NUP93: variants seen among roughly 807,000 people sequenced by gnomAD.
NUP93 encodes the protein nucleoporin 93.
In NUP93, 55 loss-of-function variants were observed where a neutral mutation model predicts 107.8. The ratio of observed to expected loss-of-function variants is 0.51; its 90% CI spans 0.41 to 0.64. The LOEUF is 0.64. Ranked by LOEUF, NUP93 falls within the 30% of genes least tolerant of loss-of-function variation. NUP93 has a pLI of 0.00. For missense variants in NUP93, 937 were observed against 1,044.7 expected (o/e 0.90, Z 1.42); for synonymous variants, 390 against 397.5 (o/e 0.98, Z 0.22).
intron 4 of NUP93, among the ~76,000 whole-genome samples, chr16:56,804,658 C>T (rs1213791063): frequency 3.3e-5 from 5 of 152,118 alleles, no homozygotes; most frequent in South Asian, 4.2e-4. Flanking sequence ...CCTGTAATCC[C>T]AGCACTTTGG....
At chr16:56,834,819 T>TG in intron 16 of NUP93, 41 bp downstream of exon 16, 1 of 1,467,262 alleles carries the variant, frequency 6.8e-7, no homozygotes, top group South Asian at 1.2e-5. Context: ...CGTTAGCCAT[T>TG]GGGGATTTAT....
At chr16:56,841,904 A>C (rs1419124367) in intron 21 of NUP93, 71 bp downstream of exon 21, 3 of 1,569,026 alleles carry the variant, frequency 1.9e-6, no homozygotes, top group Non-Finnish European at 2.6e-6. Flanking sequence ...TTGCGCTCTT[A>C]TGAGACCACA....
intron 3 of NUP93, among the ~76,000 whole-genome samples, chr16:56,786,163 G>A (rs1962623259): frequency 6.6e-6 from 1 of 152,102 alleles, no homozygotes; most frequent in Non-Finnish European, 1.5e-5. Flanking sequence ...GTGGTTCAAG[G>A]TATGGATTAT....
chr16:56,731,425 A>C (rs1172328593), intron 1 of NUP93, among the ~76,000 whole-genome samples: 1 of 148,210 alleles, frequency 6.7e-6, no homozygotes, highest in Non-Finnish European at 1.5e-5. Context: ...CTTTTGAGAC[A>C]GTCTCCCTCG....
intron 1 of NUP93, among the ~76,000 whole-genome samples, chr16:56,739,112 C>T (rs1961660156): frequency 6.9e-6 from 1 of 144,748 alleles, no homozygotes; most frequent in African/African-American, 2.6e-5. Context: ...CCCATGTCTA[C>T]TTCTTTCTAC....
intron 7 of NUP93, 39 bp downstream of exon 7, chr16:56,821,632 A>G (rs369763729): frequency 9.8e-6 from 14 of 1,429,956 alleles, no homozygotes; most frequent in African/African-American, 8.6e-5. Context: ...ACCGGGGTCC[A>G]GTGTTCCGAT....
At chr16:56,815,902 C>CTGCTGCTGCTGGTGCTGCTGG in intron 5 of NUP93, among the ~76,000 whole-genome samples, 1 of 133,204 alleles carries the variant, frequency 7.5e-6, no homozygotes, top group East Asian at 2.1e-4. Context: ...GCTGCTGGTG[C>CTGCTGCTGCTGGTGCTGCTGG]TGCTGCTGCT....
At chr16:56,828,665 C>T (rs533623831) in intron 8 of NUP93, among the ~76,000 whole-genome samples, 44 of 152,218 alleles carry the variant, frequency 2.9e-4, no homozygotes, top group African/African-American at 1.1e-3. Context: ...AAGAACCAAC[C>T]AGAACATTAG....
chr16:56,830,046 C>T (rs1963748303), intron 9 of NUP93, among the ~76,000 whole-genome samples: 1 of 152,190 alleles, frequency 6.6e-6, no homozygotes, highest in African/African-American at 2.4e-5. Flanking sequence ...CCCCAGTGCC[C>T]AGCAGTACCT....
intron 4 of NUP93, among the ~76,000 whole-genome samples, chr16:56,800,026 T>C (rs1038258048): frequency 6.6e-6 from 1 of 152,012 alleles, no homozygotes; most frequent in South Asian, 2.1e-4. Flanking sequence ...CTACTAAAAA[T>C]ACAAAAATTA....
chr16:56,844,626 G>A lies in NUP93; in HGVS notation c.*17G>A, dbSNP rs1291062537. ...ATGAATTAAGTGCCATGCTTTGTGG[G>A]AGTCTGGGTCGGCACACTGTCAGTA... On this transcript the variant is annotated 3_prime_UTR_variant, in exon 22 of 22. Coordinates refer to ENST00000308159, the MANE Select transcript of NUP93 (RefSeq NM_014669.5). 3 of 1,563,766 alleles carry A rather than the reference G, an allele frequency of 1.9e-6. No homozygotes were observed. The highest frequency in any genetic ancestry group is 1.8e-5 in the Admixed American group (1 of 55,736).
chr16:56,735,053 TACAC>T (rs1308537566), intron 1 of NUP93, among the ~76,000 whole-genome samples: 1 of 152,320 alleles, frequency 6.6e-6, no homozygotes, highest in East Asian at 1.9e-4. Context: ...TGGGGACTCA[TACAC>T]AGACAGAGCT....
chr16:56,767,759 C>T (rs1391237598), intron 3 of NUP93, among the ~76,000 whole-genome samples: 7 of 152,152 alleles, frequency 4.6e-5, no homozygotes, highest in Admixed American at 3.3e-4. Flanking sequence ...CAGGAGGACC[C>T]GTCTCTAAAT....
chr16:56,848,316 A>C lies in NUP93; in HGVS notation c.*3707A>C, dbSNP rs1460257861. The C allele has an allele frequency of 2.0e-5, 3 of 152,234 alleles. No homozygotes were observed. The highest frequency in any genetic ancestry group is 4.4e-5 in the Non-Finnish European group (3 of 68,054). The allele number at this position is 152,234 out of a possible 1,614,324, so 9.4% of individuals were successfully genotyped here. A position where few individuals can be genotyped will look rare whatever the true frequency, so the allele number is the denominator to read the frequency against. On this transcript the variant is annotated 3_prime_UTR_variant, in exon 22 of 22. Coordinates refer to ENST00000308159, the MANE Select transcript of NUP93 (RefSeq NM_014669.5). ...TCCCTTAGCCTCAGTCAGCTGGGAAAGGAATTGAGCCCTGTGTCAGCAAAT... is the reference window on the plus strand; with the variant it reads ...TCCCTTAGCCTCAGTCAGCTGGGAACGGAATTGAGCCCTGTGTCAGCAAAT...
Position 56,805,488 on chromosome 16 carries a change from TG to T in NUP93, c.361-15del. 6.2e-7 allele frequency: 1 copy of T among 1,613,590 alleles called. No homozygotes were observed. The highest frequency in any genetic ancestry group is 2.2e-5 in the East Asian group (1 of 44,872). ...TTTTTTCCTGAGGGTCATTGTTCTC[TG>T]TTCCTTTCTGGCAGACCTTCGGCAT... On this transcript the variant is annotated splice_polypyrimidine_tract_variant and intron_variant, in intron 4 of 21. Transcript: ENST00000308159.
chr16:56,792,605 T>C (rs567968054), intron 3 of NUP93, among the ~76,000 whole-genome samples: 1 of 152,216 alleles, frequency 6.6e-6, no homozygotes, highest in Admixed American at 6.5e-5. Flanking sequence ...AGTTAAGTAG[T>C]ATTGAGAGAC....
At position 56,833,334 on chromosome 16, in the gene NUP93, G is replaced by C; in HGVS notation, c.1465G>C (p.Ala489Pro). 6.2e-7 allele frequency: 1 copy of C among 1,606,290 alleles called. No homozygotes were observed. Among genetic ancestry groups the C allele is most frequent in the Non-Finnish European group, 8.5e-7 (1 of 1,177,248 alleles). The change falls in exon 13 of 22, where the codon GCT becomes CCT. Residue 489 changes from alanine (A) to proline (P), a missense_variant. By Grantham distance (27) the Ala-to-Pro change is conservative. Transcript: ENST00000308159. ...CCGCATGGAGCGGCTGCGCTGCCAT[G>C]CTGTCCATGTAGCACTGGTGCTGTT... ...LFRMERLRCH[A>P]VHVALVLFEL... is the part of the protein sequence containing the mutation.
chr16:56,799,980 C>T (rs1237777456), intron 4 of NUP93, among the ~76,000 whole-genome samples: 2 of 152,162 alleles, frequency 1.3e-5, no homozygotes, highest in East Asian at 3.9e-4. Context: ...GTCAGGAGTT[C>T]GAGACCAGCC....
chr16:56,739,732 C>A (rs1418393324), intron 1 of NUP93, among the ~76,000 whole-genome samples: 1 of 132,984 alleles, frequency 7.5e-6, no homozygotes. Context: ...CCGACCCCCC[C>A]ACCTCCCTCC....
Sources: gnomAD v4.1 joint callset for allele counts (sites outside exome capture counted in the v4.1 genomes callset) on GRCh38, gnomAD v4.1.1 for gene constraint, MANE v1.5 for transcripts, NCBI Gene and HGNC (gene_info 2026-07-23, HGNC 2026-07-21) for gene names.